NRG3: variants seen among roughly 807,000 people sequenced by gnomAD.
NRG3 encodes the protein neuregulin 3.
Under a neutral mutation model 66.9 loss-of-function variants are expected in NRG3, and 31 were observed. The ratio of observed to expected loss-of-function variants is 0.46; its 90% CI spans 0.35 to 0.63. The LOEUF (loss-of-function observed/expected upper bound fraction) is 0.63, where lower values mean the gene tolerates loss of function less well. Ranked by LOEUF, NRG3 falls within the 20% of genes least tolerant of loss-of-function variation. The pLI, the probability that NRG3 is intolerant of heterozygous loss-of-function variation, is 0.00. For synonymous variants in NRG3, 393 were observed against 359.4 expected, an observed-to-expected ratio of 1.09 and a Z score of -1.06; for missense variants, 910 against 878.9, an observed-to-expected ratio of 1.04 and a Z score of -0.45.
intron 2 of NRG3, among the ~76,000 whole-genome samples, chr10:82,578,261 A>G (rs1354006800): frequency 6.7e-6 from 1 of 149,692 alleles, no homozygotes; most frequent in East Asian, 2.1e-4. Context: ...TAATTTTGTA[A>G]GAAAATATTT....
chr10:81,987,594 G>A (rs1280701344), intron 1 of NRG3, among the ~76,000 whole-genome samples: 1 of 152,200 alleles, frequency 6.6e-6, no homozygotes, highest in Non-Finnish European at 1.5e-5. Context: ...GGTATGTAAT[G>A]TAGTTAAAAT....
intron 3 of NRG3, among the ~76,000 whole-genome samples, chr10:82,791,636 C>T (rs575250931): frequency 3.9e-5 from 6 of 152,178 alleles, no homozygotes; most frequent in Admixed American, 1.3e-4. Flanking sequence ...TCTGTTCATG[C>T]GTATAACATT....
intron 4 of NRG3, among the ~76,000 whole-genome samples, chr10:82,950,620 A>G (rs1204418913): frequency 6.6e-6 from 1 of 152,214 alleles, no homozygotes; most frequent in East Asian, 1.9e-4. Context: ...TAAATAGAGT[A>G]TTTGCAAGAG....
At chr10:82,637,307 G>C (rs575174025) in intron 2 of NRG3, among the ~76,000 whole-genome samples, 1 of 152,246 alleles carries the variant, frequency 6.6e-6, no homozygotes, top group East Asian at 1.9e-4. Context: ...ATTGATTATA[G>C]CTGATTAAAT....
intron 2 of NRG3, among the ~76,000 whole-genome samples, chr10:82,526,389 GA>G (rs958904071): frequency 1.3e-5 from 2 of 151,660 alleles, no homozygotes; most frequent in African/African-American, 4.8e-5. Flanking sequence ...TTGAAAAAAT[GA>G]AATGTATTTA....
At chr10:82,870,261 A>T (rs1217591993) in intron 4 of NRG3, among the ~76,000 whole-genome samples, 1 of 152,168 alleles carries the variant, frequency 6.6e-6, no homozygotes, top group African/African-American at 2.4e-5. Flanking sequence ...TTCACTTAGT[A>T]ATTTTCTCAT....
At chr10:81,919,266 T>C (rs919811775) in intron 1 of NRG3, among the ~76,000 whole-genome samples, 2 of 152,110 alleles carry the variant, frequency 1.3e-5, no homozygotes, top group African/African-American at 4.8e-5. Flanking sequence ...TATAAGAATA[T>C]ATAAGAATAG....
At chr10:82,382,323 T>C (rs917152938) in intron 2 of NRG3, among the ~76,000 whole-genome samples, 7 of 151,984 alleles carry the variant, frequency 4.6e-5, no homozygotes, top group African/African-American at 1.7e-4. Context: ...TTATAATACT[T>C]CCTTTAGTAG....
intron 2 of NRG3, among the ~76,000 whole-genome samples, chr10:82,719,358 T>C (rs2057160578): frequency 6.6e-6 from 1 of 152,222 alleles, no homozygotes; most frequent in Admixed American, 6.5e-5. Flanking sequence ...TGAGTGTTTA[T>C]GTTCTATAGA....
intron 1 of NRG3, among the ~76,000 whole-genome samples, chr10:81,997,956 A>G (rs74146710): frequency 0.021 from 3,094 of 149,600 alleles, 96 homozygotes; most frequent in African/African-American, 0.068. Context: ...AGTTTCTTCC[A>G]TTATTTCCAG....
chr10:82,307,751 C>T lies in NRG3; in HGVS notation c.824-50988C>T, dbSNP rs574500868. Among the ~76,000 whole-genome samples the T allele has an allele frequency of 1.1e-4, 15 of 142,358 alleles. No homozygotes were observed. In the South Asian group the frequency reaches 1.3e-3, roughly 12 times the overall value. The allele number at this position is 142,358 out of a possible 152,430, so 93.4% of individuals were successfully genotyped here. The stretch of plus-strand genomic sequence containing the variant: ...CATGGGCCATTTTTCCCTCCAATTT[C>T]ATCTTTTTTTTTTCCTGTCATTTAA... On this transcript the variant is annotated intron_variant, in intron 1 of 8. Coordinates refer to ENST00000372141, the MANE Select transcript of NRG3 (RefSeq NM_001010848.4).
chr10:82,404,425 A>G lies in NRG3; in HGVS notation c.953+45557A>G, dbSNP rs944608359. 4.6e-5 allele frequency among the ~76,000 whole-genome samples: 7 copies of G among 152,094 alleles called. No individual in the cohort carries two copies. The South Asian group carries it at 1.0e-3, about 23-fold the overall frequency. ...AATGTCTCACTTCTATTATTATCCA[A>G]TTTTACAGCCAGTCCATGTGAGGCA... On this transcript the variant is annotated intron_variant, in intron 2 of 8. Transcript: ENST00000372141.
At chr10:82,017,962 T>C (rs998943700) in intron 1 of NRG3, among the ~76,000 whole-genome samples, 1 of 152,224 alleles carries the variant, frequency 6.6e-6, no homozygotes, top group African/African-American at 2.4e-5. Context: ...CATTTGTCAA[T>C]TGTGGCTTTT....
chr10:81,881,838 C>G (rs1842209302), intron 1 of NRG3, among the ~76,000 whole-genome samples: 1 of 151,628 alleles, frequency 6.6e-6, no homozygotes, highest in Admixed American at 6.6e-5. Flanking sequence ...CTGTAACTAT[C>G]AGCTTTTTTT....
chr10:82,924,542 G>A (rs545797781), intron 4 of NRG3, among the ~76,000 whole-genome samples: 115 of 147,970 alleles, frequency 7.8e-4, no homozygotes, highest in African/African-American at 2.7e-3. Context: ...TCTGATTTTC[G>A]AAGTCTTCTA....
intron 2 of NRG3, among the ~76,000 whole-genome samples, chr10:82,652,639 T>C (rs569115341): frequency 6.6e-6 from 1 of 152,014 alleles, no homozygotes; most frequent in East Asian, 1.9e-4. Context: ...AGGCCATGGG[T>C]GGTTTTGGAA....
chr10:81,931,974 A>G (rs1271607368), intron 1 of NRG3, among the ~76,000 whole-genome samples: 2 of 152,186 alleles, frequency 1.3e-5, no homozygotes, highest in Admixed American at 1.3e-4. Flanking sequence ...TTGTGTTGCT[A>G]TAAAGAAATA....
chr10:82,869,833 C>T (rs1204226675), intron 4 of NRG3, among the ~76,000 whole-genome samples: 1 of 151,888 alleles, frequency 6.6e-6, no homozygotes, highest in East Asian at 1.9e-4. Flanking sequence ...TGGTCTCGAT[C>T]TCCTGACCTT....
intron 2 of NRG3, among the ~76,000 whole-genome samples, chr10:82,452,869 T>G (rs949288028): frequency 6.6e-6 from 1 of 152,284 alleles, no homozygotes; most frequent in East Asian, 1.9e-4. Flanking sequence ...GAGGATTTTA[T>G]GGAGATGGTT....
Sources: allele counts gnomAD v4.1 joint callset (sites outside exome capture counted in the v4.1 genomes callset), GRCh38; gene constraint gnomAD v4.1.1; transcripts MANE v1.5; gene names NCBI Gene and HGNC (gene_info 2026-07-23, HGNC 2026-07-21).